The following MED20 variants were observed in gnomAD, a reference collection of about 807,000 sequenced individuals.
MED20 encodes mediator complex subunit 20.
MED20 carries 19 observed loss-of-function variants against 19.7 expected under a neutral mutation model. The ratio of observed to expected loss-of-function variants is 0.96; its 90% CI spans 0.67 to 1.42. The LOEUF (loss-of-function observed/expected upper bound fraction) is 1.42. MED20 is among the 40% of genes most tolerant of loss of function. The pLI is 0.00. For synonymous variants in MED20, 105 were observed against 104.8 expected, an observed-to-expected ratio of 1.00 and a Z score of -0.01; for missense variants, 225 against 273.0, an observed-to-expected ratio of 0.82 and a Z score of 1.24.
chr6:41,917,843 T>A, intron 1 of MED20: 1 of 466,988 alleles, frequency 2.1e-6, no homozygotes. Flanking sequence ...GAGCCACAGG[T>A]GGCTGGGACT....
intron 1 of MED20, among the ~76,000 whole-genome samples, chr6:41,918,962 A>AAG (rs1775388566): frequency 6.8e-6 from 1 of 146,098 alleles, no homozygotes; most frequent in African/African-American, 2.5e-5. Context: ...TCAAAAAAAA[A>AAG]AAAAAAATAC....
Position 41,906,854 on chromosome 6 carries a change from A to C in MED20, c.*218T>G. 1.8e-6 allele frequency: 1 copy of C among 553,028 alleles called. No homozygotes were observed. The allele number at this position is 553,028 out of a possible 1,614,324, so 34.3% of individuals were successfully genotyped here. A position where few individuals can be genotyped will look rare whatever the true frequency, so the allele number is the denominator to read the frequency against. ...TCTTGAGGACAGGCCAAATCCAGTA[A>C]GGCACGGAGTAAAACAGCTGATGGG... On this transcript the variant is annotated 3_prime_UTR_variant, in exon 4 of 4. Transcript: ENST00000265350.
At chr6:41,912,318 A>G (rs905955952) in intron 2 of MED20, among the ~76,000 whole-genome samples, 1 of 144,008 alleles carries the variant, frequency 6.9e-6, no homozygotes, top group Non-Finnish European at 1.5e-5. Context: ...TGGGATTCAC[A>G]GGTATGAGCC....
In MED20 at chr6:41,906,955, A is replaced by C; in HGVS notation, c.*117T>G. Reference sequence around the variant, plus strand: ...AAAAGCCACAGCTGAGAACCAGAGAAGGAGAGTAGAGTCCATGTCTACCCT... The same window carrying C: ...AAAAGCCACAGCTGAGAACCAGAGACGGAGAGTAGAGTCCATGTCTACCCT... On this transcript the variant is annotated 3_prime_UTR_variant, in exon 4 of 4. Coordinates refer to ENST00000265350, the MANE Select transcript of MED20 (RefSeq NM_004275.5). The C allele has an allele frequency of 7.0e-6, 6 of 852,300 alleles. No individual in the cohort carries two copies. The highest frequency in any genetic ancestry group is 1.1e-5 in the Non-Finnish European group (6 of 547,090). 52.8% of individuals were successfully genotyped at this position (852,300 alleles called of 1,614,324 possible). A position where few individuals can be genotyped will look rare whatever the true frequency, so the allele number is the denominator to read the frequency against.
At position 41,921,030 on chromosome 6, in the gene MED20, A is replaced by G. The variant is rs1775451508; in HGVS notation, c.-12T>C. 6.2e-7 allele frequency: 1 copy of G among 1,612,480 alleles called. No individual in the cohort carries two copies. The highest frequency in any genetic ancestry group is 1.3e-5 in the African/African-American group (1 of 74,870). On this transcript the variant is annotated 5_prime_UTR_variant, in exon 1 of 4. Coordinates refer to ENST00000265350, the MANE Select transcript of MED20 (RefSeq NM_004275.5). ...CAAGTCACTCCCATGGCGTCGGGCC[A>G]GGAAGGTGGCAGAATCACACAGTAG...
At chr6:41,917,119 T>C (rs1030550771) in intron 1 of MED20, among the ~76,000 whole-genome samples, 180 bp from the exon 2 acceptor site, 8 of 152,138 alleles carry the variant, frequency 5.3e-5, no homozygotes, top group Non-Finnish European at 1.0e-4. Context: ...AAAATTTTTT[T>C]GGCCAGGCGT....
At chr6:41,918,015 CAA>C in intron 1 of MED20, 1 of 233,304 alleles carries the variant, frequency 4.3e-6, no homozygotes, top group Non-Finnish European at 9.2e-6. Context: ...TGGAACAAAA[CAA>C]AAAAAAAACG....
At chr6:41,909,027 A>AG in intron 3 of MED20, 1 of 530,906 alleles carries the variant, frequency 1.9e-6, no homozygotes, top group East Asian at 2.9e-5. Context: ...TACTAAAAAA[A>AG]AAAAAAAATT....
chr6:41,913,841 TGAGACGA>T (rs1775253127), intron 2 of MED20, among the ~76,000 whole-genome samples: 1 of 151,994 alleles, frequency 6.6e-6, no homozygotes, highest in Admixed American at 6.6e-5. Flanking sequence ...GAGGTTGCAG[TGAGACGA>T]GACTGTGCCA....
Position 41,907,227 on chromosome 6 carries a change from G to C in MED20, c.484C>G (p.Gln162Glu), listed in dbSNP as rs1303837415. Residue 162 changes from glutamine (Q) to glutamate (E), a missense_variant, in exon 4 of 4, where the codon CAG (glutamine) becomes GAG (glutamate). Physicochemically the swap from Gln to Glu is conservative, Grantham distance 29. Coordinates refer to ENST00000265350, the MANE Select transcript of MED20 (RefSeq NM_004275.5). ...DCWSLLLEFL[Q>E]SFLGSHTPGA... Reference sequence around the variant, plus strand: ...GGTGTGTGGCTGCCTAGAAAACTCTGTAGGAACTCGAGCAGCAGACTCCAG... The same window carrying C: ...GGTGTGTGGCTGCCTAGAAAACTCTCTAGGAACTCGAGCAGCAGACTCCAG... 1 of 1,613,918 alleles carries C rather than the reference G, an allele frequency of 6.2e-7. No homozygotes were observed. The highest frequency in any genetic ancestry group is 2.2e-5 in the East Asian group (1 of 44,892).
In MED20 at chr6:41,920,926, C is replaced by T; in HGVS notation, c.14+79G>A. ...GACATCTCCCTCAGCTCCCAGAGGA[C>T]GGCGGACCATGGTCAAGGTCCTCTT... is the stretch of plus-strand genomic sequence containing the variant. On this transcript the variant is annotated intron_variant, in intron 1 of 3. Coordinates refer to ENST00000265350, the MANE Select transcript of MED20 (RefSeq NM_004275.5). 6 of 1,548,868 alleles carry T rather than the reference C, an allele frequency of 3.9e-6. No individual in the cohort carries two copies. The South Asian group carries it at 4.7e-5, about 12-fold the overall frequency.
At chr6:41,914,957 A>G (rs1048634200) in intron 2 of MED20, among the ~76,000 whole-genome samples, 7 of 152,226 alleles carry the variant, frequency 4.6e-5, no homozygotes, top group African/African-American at 1.7e-4. Flanking sequence ...CAAATTTCAG[A>G]GTGCATAAGG....
intron 2 of MED20, among the ~76,000 whole-genome samples, chr6:41,915,095 C>CTGAGAAACACTGCTT (rs2127379001): frequency 1.3e-5 from 2 of 152,272 alleles, no homozygotes; most frequent in African/African-American, 4.8e-5. Context: ...GTGATTAACC[C>CTGAGAAACACTGCTT]TGAGAAACAC....
Position 41,907,093 on chromosome 6 carries a change from C to T in MED20, c.618G>A (p.Val206=), listed in dbSNP as rs1775070860. The T allele has an allele frequency of 1.9e-6, 3 of 1,613,726 alleles. No individual in the cohort carries two copies. Among genetic ancestry groups the T allele is most frequent in the African/African-American group, 1.3e-5 (1 of 74,908 alleles). Reference sequence around the variant, plus strand: ...ATCACTAACGAATCCCAGCCACCGGCACCTGCTGCTGCTTGCGGATCTTGT... The same window carrying T: ...ATCACTAACGAATCCCAGCCACCGGTACCTGCTGCTGCTTGCGGATCTTGT... ...LFNKIRKQQQ[V]PVAGIR The change falls in exon 4 of 4, where the codon GTG becomes GTA. Residue 206 remains valine, a synonymous_variant. Coordinates refer to ENST00000265350, the MANE Select transcript of MED20 (RefSeq NM_004275.5).
intron 1 of MED20, among the ~76,000 whole-genome samples, chr6:41,919,140 A>AG (rs1775395215): frequency 6.7e-6 from 1 of 150,042 alleles, no homozygotes; most frequent in South Asian, 2.1e-4. Flanking sequence ...AAAAAAAAAA[A>AG]AAAAAAAAAA....
intron 2 of MED20, among the ~76,000 whole-genome samples, chr6:41,911,094 G>A (rs1316917574): frequency 2.1e-5 from 3 of 145,356 alleles, no homozygotes; most frequent in Admixed American, 6.8e-5. Flanking sequence ...GGGTGACAGC[G>A]AGACTCCATC....
intron 1 of MED20, chr6:41,917,745 T>C (rs1357986320): frequency 2.1e-6 from 1 of 470,964 alleles, no homozygotes; most frequent in Non-Finnish European, 4.4e-6. Flanking sequence ...ACTCTTTCAG[T>C]TCTGACTACA....
chr6:41,921,088 T>C lies in MED20; in HGVS notation c.-70A>G. 1.3e-6 allele frequency: 2 copies of C among 1,591,228 alleles called. No individual in the cohort carries two copies. Among genetic ancestry groups the C allele is most frequent in the Non-Finnish European group, 1.7e-6 (2 of 1,166,374 alleles). ...GGGTTCCCTGTCCGCCCACAGAAAC[T>C]CCTTCAGTTCCCCAACACAACCTTC... On this transcript the variant is annotated 5_prime_UTR_variant, in exon 1 of 4. Transcript: ENST00000265350.
At chr6:41,916,541 T>C (rs778134153) in intron 2 of MED20, among the ~76,000 whole-genome samples, 14 of 149,992 alleles carry the variant, frequency 9.3e-5, no homozygotes, top group African/African-American at 1.5e-4. Context: ...GATCGCACCA[T>C]TGCACTCCAG....
Sources: gnomAD v4.1 joint callset for allele counts (sites outside exome capture counted in the v4.1 genomes callset) on GRCh38, gnomAD v4.1.1 for gene constraint, MANE v1.5 for transcripts, NCBI Gene and HGNC (gene_info 2026-07-23, HGNC 2026-07-21) for gene names.